The following THADA variants were observed in gnomAD, a reference collection of about 807,000 sequenced individuals.
The protein encoded by THADA is THADA armadillo repeat containing, also known as tRNA (32-2'-O)-methyltransferase regulator THADA.
A neutral mutation model predicts 219.8 loss-of-function variants in THADA; 213 were observed. The ratio of observed to expected loss-of-function variants is 0.97; its 90% CI spans 0.87 to 1.09. The LOEUF (loss-of-function observed/expected upper bound fraction) is 1.09. Ranked by LOEUF, THADA falls within the 50% of genes least tolerant of loss-of-function variation. The pLI, the probability that THADA is intolerant of heterozygous loss-of-function variation, is 0.00. For synonymous variants in THADA, 1,018 were observed against 828.9 expected (o/e 1.23, Z -3.92); for missense variants, 2,956 against 2,311.3 (o/e 1.28, Z -5.72).
chr2:43,524,863 C>T (rs1029691467), intron 22 of THADA, among the ~76,000 whole-genome samples: 5 of 152,182 alleles, frequency 3.3e-5, no homozygotes, highest in South Asian at 2.1e-4. Context: ...TCCATTTATT[C>T]GGAATGCCTT....
intron 30 of THADA, among the ~76,000 whole-genome samples, chr2:43,340,495 T>G (rs892999379): frequency 2.0e-5 from 3 of 152,202 alleles, no homozygotes; most frequent in African/African-American, 7.2e-5. Context: ...AAAACTTTCT[T>G]TGAGAACAAA....
At chr2:43,593,452 G>A (rs1701796128) in intron 1 of THADA, among the ~76,000 whole-genome samples, 1 of 152,118 alleles carries the variant, frequency 6.6e-6, no homozygotes, top group African/African-American at 2.4e-5. Context: ...CATACTCTAA[G>A]GAGCCATAAC....
intron 36 of THADA, among the ~76,000 whole-genome samples, chr2:43,268,928 C>A (rs566937326): frequency 5.3e-5 from 8 of 152,132 alleles, no homozygotes; most frequent in Non-Finnish European, 4.4e-5. Flanking sequence ...GAACCAGGGA[C>A]GAACGAGAAA....
At chr2:43,502,579 C>T (rs751034754) in intron 24 of THADA, among the ~76,000 whole-genome samples, 1 of 118,938 alleles carries the variant, frequency 8.4e-6, no homozygotes, top group African/African-American at 3.5e-5. Context: ...AGTGAGACCT[C>T]GTCTCAAAAA....
chr2:43,395,214 A>C (rs1244879480), intron 29 of THADA, among the ~76,000 whole-genome samples: 1 of 152,240 alleles, frequency 6.6e-6, no homozygotes, highest in Non-Finnish European at 1.5e-5. Flanking sequence ...CTGATGGCTG[A>C]TCCCCTTGAC....
In THADA at chr2:43,344,178, C is replaced by T. The variant is rs1484266394; in HGVS notation, c.4287G>A (p.Gln1429=). 6.2e-7 allele frequency: 1 copy of T among 1,612,664 alleles called. No homozygotes were observed. The highest frequency in any genetic ancestry group is 1.3e-5 in the African/African-American group (1 of 74,902). The change falls in exon 30 of 38, where the codon CAG becomes CAA. Residue 1429 remains glutamine, a synonymous_variant. Coordinates refer to ENST00000405975, the MANE Select transcript of THADA (RefSeq NM_022065.5). ...DSKHGTNSDF[Q]HELTDITVCT... is the part of the protein sequence containing the mutation. ...AAACAGTGATGTCAGTCAGCTCGTG[C>T]TGGAAGTCTGAATTCGTTCCGTGTT... is the stretch of plus-strand genomic sequence containing the variant.
rs760854371 is a variant in THADA at position 43,570,436 on chromosome 2, C to G, written c.2139G>C (p.Glu713Asp). ...AAGGGTGCTGTTTGGTTAACTCATT[C>G]TCTGGTTCACGTTTGGATTTACTCT... ...LEQSKSKREP[E>D]NELTKQHPSV... The change falls in exon 14 of 38, where the codon GAG becomes GAC. Residue 713 changes from glutamate (E) to aspartate (D), a missense_variant. By Grantham distance (45) the Glu-to-Asp change is conservative (BLOSUM62 2). Coordinates refer to ENST00000405975, the MANE Select transcript of THADA (RefSeq NM_022065.5). The G allele has an allele frequency of 6.2e-7, 1 of 1,613,640 alleles. No individual in the cohort carries two copies. The highest frequency in any genetic ancestry group is 8.5e-7 in the Non-Finnish European group (1 of 1,179,716).
chr2:43,409,181 T>G (rs1182356050), intron 28 of THADA, among the ~76,000 whole-genome samples: 1 of 152,236 alleles, frequency 6.6e-6, no homozygotes, highest in Non-Finnish European at 1.5e-5. Context: ...TTTGAGTATT[T>G]CTTTTAATTT....
Position 43,571,748 on chromosome 2 carries a change from A to C in THADA, c.2023T>G (p.Ser675Ala), listed in dbSNP as rs531379725. 6.2e-7 allele frequency: 1 copy of C among 1,613,856 alleles called. No individual in the cohort carries two copies. Among genetic ancestry groups the C allele is most frequent in the East Asian group, 2.2e-5 (1 of 44,880 alleles). ...CAGATCTGTTGCCGCACTCCTGGAG[A>C]CTGGCTGTTAAGATTGTATGTAATA... ...FFITYNLNSQ[S>A]PGVRQQICSL... is the part of the protein sequence containing the mutation. The change falls in exon 13 of 38, where the codon TCT becomes GCT. Residue 675 changes from serine to alanine, a missense_variant. Physicochemically the swap from Ser to Ala is moderately conservative, Grantham distance 99. Coordinates refer to ENST00000405975, the MANE Select transcript of THADA (RefSeq NM_022065.5).
intron 26 of THADA, chr2:43,463,131 G>A (rs978696157): frequency 1.3e-5 from 2 of 152,186 alleles, no homozygotes; most frequent in Non-Finnish European, 2.9e-5. Context: ...CAGCAACTAA[G>A]TTGATTTAAG....
At chr2:43,502,700 A>T (rs1286517850) in intron 24 of THADA, among the ~76,000 whole-genome samples, 1 of 151,918 alleles carries the variant, frequency 6.6e-6, no homozygotes, top group Admixed American at 6.5e-5. Context: ...ACCATAAAGG[A>T]GAAAGCTGAC....
At chr2:43,472,053 G>GA (rs1313600412) in intron 26 of THADA, among the ~76,000 whole-genome samples, 2 of 152,152 alleles carry the variant, frequency 1.3e-5, no homozygotes, top group African/African-American at 2.4e-5. Context: ...ACAAGGCCCT[G>GA]AAAAACCGTT....
At chr2:43,239,977 AAG>A (rs1227917906) in intron 36 of THADA, among the ~76,000 whole-genome samples, 1 of 152,238 alleles carries the variant, frequency 6.6e-6, no homozygotes, top group African/African-American at 2.4e-5. Context: ...AAACCACTCT[AAG>A]AGAGAGAAGA....
In THADA at chr2:43,439,832, G is replaced by C. The variant is rs75026679; in HGVS notation, c.3837-9530C>G. 2.9e-3 allele frequency among the ~76,000 whole-genome samples: 438 copies of C among 152,260 alleles called. 16 individuals carry two copies. The East Asian group carries it at 0.078, about 27-fold the overall frequency. Reference sequence around the variant, plus strand: ...GTTCTATTTCTTAAACTAGGTGTTAGATCCAAGGTGTTTATTGCATTGTTA... The same window carrying C: ...GTTCTATTTCTTAAACTAGGTGTTACATCCAAGGTGTTTATTGCATTGTTA... On this transcript the variant is annotated intron_variant, in intron 26 of 37. Coordinates refer to ENST00000405975, the MANE Select transcript of THADA (RefSeq NM_022065.5).
chr2:43,581,429 C>T (rs753167431), intron 8 of THADA, among the ~76,000 whole-genome samples: 9 of 151,562 alleles, frequency 5.9e-5, no homozygotes, highest in African/African-American at 1.5e-4. Flanking sequence ...TACTCAGAAG[C>T]GGAGGCACGA....
At chr2:43,333,634 G>A (rs965598358) in intron 30 of THADA, among the ~76,000 whole-genome samples, 2 of 152,162 alleles carry the variant, frequency 1.3e-5, no homozygotes, top group African/African-American at 4.8e-5. Flanking sequence ...TCTGTGGCTA[G>A]CGATCCCTGT....
intron 28 of THADA, among the ~76,000 whole-genome samples, chr2:43,413,264 G>T (rs148591239): frequency 1.5e-4 from 23 of 151,890 alleles, no homozygotes; most frequent in East Asian, 9.7e-4. Context: ...ATGTTTGCAG[G>T]GTCTGAGAAG....
At chr2:43,248,178 G>T (rs1558464457) in intron 36 of THADA, among the ~76,000 whole-genome samples, 324 of 86,546 alleles carry the variant, frequency 3.7e-3, no homozygotes, top group Non-Finnish European at 4.4e-3. Context: ...GAGAGAGAGA[G>T]AGAGAGAGAG....
chr2:43,373,025 A>AC (rs925283670), intron 29 of THADA, among the ~76,000 whole-genome samples: 6 of 151,846 alleles, frequency 4.0e-5, no homozygotes, highest in East Asian at 1.9e-4. Flanking sequence ...CCATTGGAAT[A>AC]CCCCCCCAAA....
Sources: allele counts gnomAD v4.1 joint callset (sites outside exome capture counted in the v4.1 genomes callset), GRCh38; gene constraint gnomAD v4.1.1; transcripts MANE v1.5; gene names NCBI Gene and HGNC (gene_info 2026-07-23, HGNC 2026-07-21).